The following SBF2 variants were observed in gnomAD, a reference collection of about 807,000 sequenced individuals.
SBF2 encodes the protein SET binding factor 2, also known as myotubularin-related protein 13.
In SBF2, 112 loss-of-function variants were observed where a neutral mutation model predicts 225.2. The ratio of observed to expected loss-of-function variants is 0.50; its 90% CI spans 0.43 to 0.58. SBF2 has a LOEUF of 0.58. Among genes scored for constraint, SBF2 ranks in the 20% least tolerant of loss-of-function variants. The pLI is 0.00. For missense variants in SBF2, 1,996 were observed against 2,206.2 expected (o/e 0.90, Z 1.91); for synonymous variants, 763 against 773.3 (o/e 0.99, Z 0.22).
At chr11:10,108,567 C>A (rs954141054) in intron 2 of SBF2, among the ~76,000 whole-genome samples, 2 of 140,298 alleles carry the variant, frequency 1.4e-5, no homozygotes, top group Non-Finnish European at 3.0e-5. Flanking sequence ...CTCTGTCGCC[C>A]AGGCTGGAGT....
At chr11:9,877,726 G>C (rs376155835) in intron 17 of SBF2, among the ~76,000 whole-genome samples, 1 of 151,812 alleles carries the variant, frequency 6.6e-6, no homozygotes, top group Non-Finnish European at 1.5e-5. Context: ...TGACATGAAC[G>C]CATCCTTTTT....
At chr11:10,200,399 T>G (rs972933748) in intron 1 of SBF2, among the ~76,000 whole-genome samples, 2 of 152,268 alleles carry the variant, frequency 1.3e-5, no homozygotes, top group Admixed American at 6.5e-5. Flanking sequence ...CTGAATAACA[T>G]AGTGTAGAGA....
intron 33 of SBF2, among the ~76,000 whole-genome samples, chr11:9,793,845 C>T (rs1030083388): frequency 6.6e-6 from 1 of 152,218 alleles, no homozygotes; most frequent in Admixed American, 6.5e-5. Context: ...TGCACTAGAC[C>T]TTGTTGCTTC....
chr11:9,812,934 C>T (rs1020420408), intron 29 of SBF2, among the ~76,000 whole-genome samples: 1 of 152,164 alleles, frequency 6.6e-6, no homozygotes, highest in Non-Finnish European at 1.5e-5. Context: ...CTAGTCCTTA[C>T]TAGAGGTAGA....
intron 6 of SBF2, among the ~76,000 whole-genome samples, chr11:10,005,675 G>T (rs971351505): frequency 6.6e-6 from 1 of 152,096 alleles, no homozygotes; most frequent in Non-Finnish European, 1.5e-5. Flanking sequence ...AACATACTTT[G>T]GTGCTGTGAT....
intron 2 of SBF2, among the ~76,000 whole-genome samples, chr11:10,050,644 G>T (rs1177634739): frequency 2.0e-5 from 3 of 152,110 alleles, no homozygotes; most frequent in African/African-American, 7.2e-5. Flanking sequence ...TAATGCCTCT[G>T]TGATGAGATG....
intron 1 of SBF2, among the ~76,000 whole-genome samples, chr11:10,268,019 T>C (rs1268323362): frequency 1.3e-5 from 2 of 152,148 alleles, no homozygotes; most frequent in African/African-American, 4.8e-5. Context: ...GAAAAACAAG[T>C]AACATTCTTT....
chr11:10,291,657 AACACACACACACAC>A (rs10580039), intron 1 of SBF2, among the ~76,000 whole-genome samples: 18 of 146,074 alleles, frequency 1.2e-4, no homozygotes, highest in East Asian at 4.1e-4. Flanking sequence ...TAATCCACTA[AACACACACACACAC>A]ACACACACAC....
At chr11:9,871,773 G>A (rs1009708213) in intron 17 of SBF2, among the ~76,000 whole-genome samples, 1 of 152,102 alleles carries the variant, frequency 6.6e-6, no homozygotes, top group African/African-American at 2.4e-5. Context: ...TTACAGGCAT[G>A]AGCCACCGTG....
At chr11:9,969,677 C>T (rs1867199991) in intron 13 of SBF2, among the ~76,000 whole-genome samples, 1 of 152,178 alleles carries the variant, frequency 6.6e-6, no homozygotes, top group Non-Finnish European at 1.5e-5. Flanking sequence ...TTCCCAATCA[C>T]CTTATCTTAA....
At chr11:9,992,622 G>T in intron 11 of SBF2, 79 bp from the exon 12 acceptor site, 4 of 1,368,686 alleles carry the variant, frequency 2.9e-6, no homozygotes, top group Non-Finnish European at 3.0e-6. Flanking sequence ...ACAATAAAAA[G>T]ATCAAAGCCT....
chr11:10,118,396 T>C (rs567524951), intron 2 of SBF2, among the ~76,000 whole-genome samples: 94 of 152,138 alleles, frequency 6.2e-4, no homozygotes, highest in Non-Finnish European at 1.1e-3. Context: ...TACATATATG[T>C]AAGTCTGGGT....
chr11:10,147,551 A>G (rs914895868), intron 2 of SBF2, among the ~76,000 whole-genome samples: 1 of 152,122 alleles, frequency 6.6e-6, no homozygotes, highest in African/African-American at 2.4e-5. Flanking sequence ...AACTACAGAC[A>G]CTGGGACCTA....
intron 16 of SBF2, among the ~76,000 whole-genome samples, chr11:9,929,880 G>T (rs1383290654): frequency 6.6e-6 from 1 of 152,098 alleles, no homozygotes; most frequent in African/African-American, 2.4e-5. Flanking sequence ...ATTATTAACT[G>T]GCAAAAATGT....
chr11:9,848,796 A>T (rs1376216406), intron 22 of SBF2, among the ~76,000 whole-genome samples: 1 of 152,230 alleles, frequency 6.6e-6, no homozygotes, highest in African/African-American at 2.4e-5. Flanking sequence ...AATAAGCAAA[A>T]CTATTCTTAC....
chr11:9,852,606 G>A, intron 21 of SBF2, 70 bp downstream of exon 21: 2 of 1,101,824 alleles, frequency 1.8e-6, no homozygotes, highest in East Asian at 4.7e-5. Flanking sequence ...TCCTTTCCTG[G>A]CACACAGCAG....
intron 6 of SBF2, among the ~76,000 whole-genome samples, chr11:10,020,140 G>A (rs1426714905): frequency 2.6e-5 from 4 of 152,092 alleles, no homozygotes; most frequent in Admixed American, 6.5e-5. Flanking sequence ...CCAGGGAAGG[G>A]CAGTTTCCCA....
intron 27 of SBF2, among the ~76,000 whole-genome samples, chr11:9,830,184 C>T (rs17268632): frequency 0.21 from 31,546 of 152,182 alleles, 4,032 homozygotes; most frequent in Non-Finnish European, 0.27. Flanking sequence ...TCACTGAAAT[C>T]GGCCCAGACA....
chr11:10,248,980 C>T (rs1194701095), intron 1 of SBF2, among the ~76,000 whole-genome samples: 1 of 151,970 alleles, frequency 6.6e-6, no homozygotes, highest in African/African-American at 2.4e-5. Flanking sequence ...CCTGTAGTCC[C>T]AGCTACTCAG....
Sources: allele counts gnomAD v4.1 joint callset (sites outside exome capture counted in the v4.1 genomes callset), GRCh38; gene constraint gnomAD v4.1.1; transcripts MANE v1.5; gene names NCBI Gene and HGNC (gene_info 2026-07-23, HGNC 2026-07-21).